The following ZAP70 variants were observed in gnomAD, a reference collection of about 807,000 sequenced individuals.
ZAP70 encodes tyrosine-protein kinase ZAP-70.
A neutral mutation model predicts 65.8 loss-of-function variants in ZAP70; 27 were observed. The ratio of observed to expected loss-of-function variants is 0.41; its 90% CI spans 0.30 to 0.57. The LOEUF is 0.57. ZAP70 is among the 20% of genes least tolerant of loss of function. ZAP70 has a pLI of 0.28. For synonymous variants in ZAP70, 363 were observed against 360.8 expected (o/e 1.01, Z -0.07); for missense variants, 696 against 870.5 (o/e 0.80, Z 2.52).
downstream of ZAP70, among the ~76,000 whole-genome samples, chr2:97,741,254 C>A (rs1359121413): frequency 6.6e-6 from 1 of 152,216 alleles, no homozygotes; most frequent in Non-Finnish European, 1.5e-5. Context: ...TCCCAACAGT[C>A]CCCTGGAAGG....
intron 2 of ZAP70, among the ~76,000 whole-genome samples, chr2:97,717,591 G>A (rs1264616337): frequency 6.6e-6 from 1 of 152,196 alleles, no homozygotes; most frequent in African/African-American, 2.4e-5. Flanking sequence ...TCTGACGATG[G>A]GCATGTAATG....
intron 4 of ZAP70, among the ~76,000 whole-genome samples, chr2:97,732,455 G>A (rs901539583): frequency 2.6e-5 from 4 of 152,164 alleles, no homozygotes; most frequent in African/African-American, 9.7e-5. Context: ...CTGTATGGCC[G>A]AGTGTACCCC....
chr2:97,716,661 G>A (rs907706386), intron 2 of ZAP70, among the ~76,000 whole-genome samples: 4 of 152,154 alleles, frequency 2.6e-5, no homozygotes, highest in African/African-American at 7.2e-5. Flanking sequence ...TGGTTTGTCC[G>A]AGGGACCTGA....
At chr2:97,740,179 A>AC (rs534883145), downstream of ZAP70, among the ~76,000 whole-genome samples, 17 of 149,638 alleles carry the variant, frequency 1.1e-4, 1 homozygote, top group East Asian at 7.9e-4. Context: ...ACAAACGCTA[A>AC]CCCCCCCTCC....
At position 97,739,469 on chromosome 2, in the gene ZAP70, A is replaced by ACAC; in HGVS notation, c.1832_1834dup (p.Thr611_Gln612insPro). The ACAC allele has an allele frequency of 6.2e-7, 1 of 1,613,554 alleles. No individual in the cohort carries two copies. Among genetic ancestry groups the ACAC allele is most frequent in the African/African-American group, 1.3e-5 (1 of 75,042 alleles). ...CAAGGTGGAAGGGCCCCCAGGCAGC[A>ACAC]CACAGAAGGCTGAGGCTGCCTGTGC... is the stretch of plus-strand genomic sequence containing the variant. On this transcript the variant is annotated inframe_insertion, in exon 14 of 14. Transcript: ENST00000264972.
intron 8 of ZAP70, 150 bp downstream of exon 8, chr2:97,733,745 C>T (rs1369619359): frequency 8.3e-6 from 7 of 839,468 alleles, no homozygotes; most frequent in South Asian, 4.4e-5. Context: ...CACATGTGCC[C>T]ACACCCATCA....
chr2:97,741,554 A>G (rs952762361), downstream of ZAP70, among the ~76,000 whole-genome samples: 1 of 151,718 alleles, frequency 6.6e-6, no homozygotes, highest in African/African-American at 2.4e-5. Context: ...CTCCCGGGTG[A>G]TGTCCGCTAG....
Position 97,715,231 on chromosome 2 carries a change from T to C in ZAP70, c.-22+1237T>C, listed in dbSNP as rs1198792834. Among the ~76,000 whole-genome samples, 2 of 152,154 alleles carry C rather than the reference T, an allele frequency of 1.3e-5. No homozygotes were observed. The highest frequency in any genetic ancestry group is 4.8e-5 in the African/African-American group (2 of 41,428). On this transcript the variant is annotated intron_variant, in intron 2 of 13. Coordinates refer to ENST00000264972, the MANE Select transcript of ZAP70 (RefSeq NM_001079.4). This position sits in a 1 kb window ranked among gnomAD's most constrained non-coding sequence, Gnocchi z 4.1. ...CAGCCATTCTCATCAGAGCCAATTT[T>C]ACCTCCTCCCGTCTCCCTGGGACAG...
chr2:97,740,757 C>T (rs1573294859), downstream of ZAP70, among the ~76,000 whole-genome samples: 1 of 152,300 alleles, frequency 6.6e-6, no homozygotes, highest in South Asian at 2.1e-4. Context: ...TTCACCTCTG[C>T]ACGTCTCCTT....
chr2:97,740,663 G>T (rs572491788), downstream of ZAP70, among the ~76,000 whole-genome samples: 3 of 152,306 alleles, frequency 2.0e-5, no homozygotes, highest in South Asian at 6.2e-4. Flanking sequence ...ACGAAAGAGG[G>T]TGCAGTTCCG....
chr2:97,726,009 G>A (rs1677375417), intron 4 of ZAP70, among the ~76,000 whole-genome samples: 1 of 152,094 alleles, frequency 6.6e-6, no homozygotes. Flanking sequence ...TGGGATCCCC[G>A]GGAGAGTGTT....
chr2:97,737,085 T>C lies in ZAP70; in HGVS notation c.1290-388T>C, dbSNP rs1257267624. Among the ~76,000 whole-genome samples, 1 of 151,614 alleles carries C rather than the reference T, an allele frequency of 6.6e-6. No individual in the cohort carries two copies. Among genetic ancestry groups the C allele is most frequent in the Non-Finnish European group, 1.5e-5 (1 of 67,894 alleles). ...AGAACTGCCAGGGTTTGCTGATGGA[T>C]TGGGTGTGAGAGAAAGAGGAGCTGC... On this transcript the variant is annotated intron_variant, in intron 10 of 13. Coordinates refer to ENST00000264972, the MANE Select transcript of ZAP70 (RefSeq NM_001079.4). This position sits in a 1 kb window ranked among gnomAD's most constrained non-coding sequence, Gnocchi z 5.0.
chr2:97,715,294 C>T lies in ZAP70; in HGVS notation c.-22+1300C>T, dbSNP rs1443069400. Among the ~76,000 whole-genome samples, 1 of 152,200 alleles carries T rather than the reference C, an allele frequency of 6.6e-6. No homozygotes were observed. The highest frequency in any genetic ancestry group is 1.9e-4 in the East Asian group (1 of 5,198). ...GGAGACAGTTTGGGTTGTGACCCAGCGGGTGTTACTGGCATCCAGCATGTC... is the reference window on the plus strand; with the variant it reads ...GGAGACAGTTTGGGTTGTGACCCAGTGGGTGTTACTGGCATCCAGCATGTC... On this transcript the variant is annotated intron_variant, in intron 2 of 13. Transcript: ENST00000264972. This position sits in a 1 kb window ranked among gnomAD's most constrained non-coding sequence, Gnocchi z 4.1.
chr2:97,754,553 G>T, the ZAP70 span, among the ~76,000 whole-genome samples: 1 of 152,058 alleles, frequency 6.6e-6, no homozygotes, highest in Non-Finnish European at 1.5e-5. Flanking sequence ...CAGATGCACA[G>T]CACCACCCCC....
At position 97,738,362 on chromosome 2, in the gene ZAP70, C is replaced by T. The variant is rs901735024; in HGVS notation, c.1736+255C>T. ...CCTCAGCATCTAAAACCTCAGCCAT[C>T]ACTCAACACATGGACCCTGCAACAC... On this transcript the variant is annotated intron_variant, in intron 13 of 13. Coordinates refer to ENST00000264972, the MANE Select transcript of ZAP70 (RefSeq NM_001079.4). 1.1e-5 allele frequency: 6 copies of T among 558,082 alleles called. No homozygotes were observed. In the Admixed American group the frequency reaches 1.2e-4, roughly 11 times the overall value. 34.6% of individuals were successfully genotyped at this position (558,082 alleles called of 1,614,324 possible).
At chr2:97,718,765 G>A (rs866629085) in intron 2 of ZAP70, among the ~76,000 whole-genome samples, 16 of 152,312 alleles carry the variant, frequency 1.1e-4, no homozygotes, top group South Asian at 8.3e-4. Flanking sequence ...CTGTGTTGGC[G>A]ACAGTTTCCT....
the ZAP70 span, among the ~76,000 whole-genome samples, chr2:97,755,584 G>A: frequency 1.3e-5 from 2 of 152,154 alleles, no homozygotes; most frequent in Non-Finnish European, 2.9e-5. Flanking sequence ...ATAGCCCAAG[G>A]CATCCCCCCT....
In ZAP70 at chr2:97,732,889, G is replaced by A. The variant is rs769444258; in HGVS notation, c.570G>A (p.Arg190=). 1 of 1,613,956 alleles carries A rather than the reference G, an allele frequency of 6.2e-7. No individual in the cohort carries two copies. The highest frequency in any genetic ancestry group is 8.5e-7 in the Non-Finnish European group (1 of 1,180,024). The change falls in exon 5 of 14, where the codon AGG becomes AGA. Residue 190 remains arginine (R), a synonymous_variant. Transcript: ENST00000264972. ...CCCTCCCTTCCCCTGCCAGGCTGAG[G>A]CCGCGGAAGGAGCAGGGCACATACG... The part of the protein sequence containing the change: ...GAQTDGKFLL[R]PRKEQGTYAL...
At chr2:97,733,077 G>C (rs752127022) in intron 5 of ZAP70, 48 bp from the exon 6 acceptor site, 64 of 1,613,856 alleles carry the variant, frequency 4.0e-5, no homozygotes, top group Middle Eastern at 1.6e-4. Context: ...GGGGTGCCGG[G>C]CTCTGGGGAG....
Sources: allele counts gnomAD v4.1 joint callset (sites outside exome capture counted in the v4.1 genomes callset), GRCh38; gene constraint gnomAD v4.1.1; non-coding constraint Gnocchi (gnomAD v3.1); transcripts MANE v1.5; gene names NCBI Gene and HGNC (gene_info 2026-07-23, HGNC 2026-07-21).